SLC39A8: variants seen among roughly 807,000 people sequenced by gnomAD.
SLC39A8 encodes the protein solute carrier family 39 member 8.
Under a neutral mutation model 40.4 loss-of-function variants are expected in SLC39A8, and 15 were observed. The ratio of observed to expected loss-of-function variants is 0.37; its 90% CI spans 0.25 to 0.57. The LOEUF is 0.57. Among genes scored for constraint, SLC39A8 ranks in the 20% least tolerant of loss-of-function variants. The pLI, the probability that SLC39A8 is intolerant of heterozygous loss-of-function variation, is 0.75. For missense variants in SLC39A8, 472 were observed against 558.8 expected, an observed-to-expected ratio of 0.84 and a Z score of 1.57; for synonymous variants, 223 against 221.6, an observed-to-expected ratio of 1.01 and a Z score of -0.06.
At chr4:102,293,231 T>A (rs440702) in intron 6 of SLC39A8, among the ~76,000 whole-genome samples, 1 of 151,808 alleles carries the variant, frequency 6.6e-6, no homozygotes, top group Non-Finnish European at 1.5e-5. Context: ...AATTCAACAC[T>A]GAGAAAAATG....
chr4:102,323,103 C>A (rs748949448), intron 2 of SLC39A8, among the ~76,000 whole-genome samples: 1 of 152,168 alleles, frequency 6.6e-6, no homozygotes, highest in Non-Finnish European at 1.5e-5. Flanking sequence ...AAGTAAGTGG[C>A]GATCTCCTGT....
intron 2 of SLC39A8, among the ~76,000 whole-genome samples, chr4:102,321,500 G>A (rs770510177): frequency 8.5e-5 from 13 of 152,206 alleles, no homozygotes; most frequent in Admixed American, 2.6e-4. Flanking sequence ...CAGGAACTCC[G>A]CTAGCTTTGC....
At chr4:102,300,963 A>C (rs1432642353) in intron 6 of SLC39A8, among the ~76,000 whole-genome samples, 1 of 152,012 alleles carries the variant, frequency 6.6e-6, no homozygotes, top group Non-Finnish European at 1.5e-5. Context: ...ATTTGTTTAA[A>C]TGTCTATTTA....
At chr4:102,280,918 C>T (rs1013529189) in intron 6 of SLC39A8, among the ~76,000 whole-genome samples, 1 of 152,174 alleles carries the variant, frequency 6.6e-6, no homozygotes, top group African/African-American at 2.4e-5. Flanking sequence ...AGCATTTTTA[C>T]TGCCTTGAAA....
At chr4:102,311,331 A>T (rs1398216076) in intron 3 of SLC39A8, among the ~76,000 whole-genome samples, 1 of 152,154 alleles carries the variant, frequency 6.6e-6, no homozygotes, top group African/African-American at 2.4e-5. Context: ...GATTACAATT[A>T]TGTTTAAAAA....
intron 2 of SLC39A8, among the ~76,000 whole-genome samples, chr4:102,330,754 A>T (rs1213465362): frequency 2.0e-5 from 3 of 152,228 alleles, no homozygotes; most frequent in African/African-American, 7.2e-5. Flanking sequence ...TCCCTGATGA[A>T]CATGGATGCA....
chr4:102,305,024 T>G lies in SLC39A8; in HGVS notation c.640A>C (p.Arg214=). ...GTCTTTAATAACATCTTTAGCATTC[T>G]TTCAAAAAAGAAAAGTAGGTAAAAT... The part of the protein sequence containing the change: ...GGFYLLFFFE[R]MLKMLLKTYG... Residue 214 remains arginine, a synonymous_variant, in exon 5 of 9, where the codon AGA becomes CGA. Coordinates refer to ENST00000356736, the MANE Select transcript of SLC39A8 (RefSeq NM_001135146.2). 6.2e-7 allele frequency: 1 copy of G among 1,608,392 alleles called. No individual in the cohort carries two copies. The highest frequency in any genetic ancestry group is 8.5e-7 in the Non-Finnish European group (1 of 1,176,132).
intron 3 of SLC39A8, among the ~76,000 whole-genome samples, chr4:102,311,384 C>T (rs1734418707): frequency 6.6e-6 from 1 of 151,994 alleles, no homozygotes; most frequent in African/African-American, 2.4e-5. Flanking sequence ...TCATTTAATT[C>T]ACTGTTACTC....
At chr4:102,330,863 GTTCAAC>G (rs1735421749) in intron 2 of SLC39A8, among the ~76,000 whole-genome samples, 2 of 152,176 alleles carry the variant, frequency 1.3e-5, no homozygotes, top group Admixed American at 1.3e-4. Flanking sequence ...TGCAGTGCTG[GTTCAAC>G]ATATGCAAAT....
chr4:102,323,089 C>T (rs768324886), intron 2 of SLC39A8, among the ~76,000 whole-genome samples: 3 of 152,188 alleles, frequency 2.0e-5, no homozygotes, highest in Non-Finnish European at 2.9e-5. Flanking sequence ...CCTTCCCCCA[C>T]CCCAAGTAAG....
chr4:102,338,279 C>A (rs1004232419), intron 2 of SLC39A8, among the ~76,000 whole-genome samples: 1 of 151,604 alleles, frequency 6.6e-6, no homozygotes, highest in South Asian at 2.1e-4. Flanking sequence ...CTCTGCCTCC[C>A]GGGTTCACGC....
At chr4:102,340,044 G>GT in intron 2 of SLC39A8, among the ~76,000 whole-genome samples, 1 of 152,078 alleles carries the variant, frequency 6.6e-6, no homozygotes, top group East Asian at 1.9e-4. Flanking sequence ...GCATATCACT[G>GT]TTTCGTGCAT....
chr4:102,263,980 G>A (rs535596517), intron 8 of SLC39A8, among the ~76,000 whole-genome samples: 43 of 152,204 alleles, frequency 2.8e-4, no homozygotes, highest in African/African-American at 1.0e-3. Context: ...TTCCTTCCCT[G>A]AAGTCTTGAA....
intron 6 of SLC39A8, among the ~76,000 whole-genome samples, chr4:102,278,982 C>G (rs1732753178): frequency 6.6e-6 from 1 of 151,444 alleles, no homozygotes; most frequent in African/African-American, 2.4e-5. Flanking sequence ...ACATCACACA[C>G]TGGGGCCTGT....
chr4:102,253,794 T>A (rs968978343), intron 11 of SLC39A8, among the ~76,000 whole-genome samples: 8 of 152,140 alleles, frequency 5.3e-5, no homozygotes, highest in South Asian at 2.1e-4. Context: ...TATGTATATG[T>A]TATATATACA....
chr4:102,342,035 G>A (rs765200920), intron 2 of SLC39A8, among the ~76,000 whole-genome samples: 1 of 152,196 alleles, frequency 6.6e-6, no homozygotes, highest in East Asian at 1.9e-4. Context: ...CTCAGGGTAT[G>A]TAAGCATTAA....
chr4:102,293,101 T>C (rs1348929027), intron 6 of SLC39A8, among the ~76,000 whole-genome samples: 2 of 152,010 alleles, frequency 1.3e-5, no homozygotes, highest in African/African-American at 4.8e-5. Flanking sequence ...AATATAATTA[T>C]TCACTCATTT....
intron 2 of SLC39A8, among the ~76,000 whole-genome samples, chr4:102,328,840 A>G (rs1735328137): frequency 6.6e-6 from 1 of 152,128 alleles, no homozygotes. Flanking sequence ...CCTGGTTAAC[A>G]CGGTGAAACC....
chr4:102,299,290 T>G (rs1369136356), intron 6 of SLC39A8, among the ~76,000 whole-genome samples: 2 of 149,858 alleles, frequency 1.3e-5, no homozygotes, highest in African/African-American at 5.0e-5. Flanking sequence ...GTTTTTTTTG[T>G]ATTTCATACT....
Sources: allele counts gnomAD v4.1 joint callset (sites outside exome capture counted in the v4.1 genomes callset), GRCh38; gene constraint gnomAD v4.1.1; transcripts MANE v1.5; gene names NCBI Gene and HGNC (gene_info 2026-07-23, HGNC 2026-07-21).